Variants in MAF observed in about 807,000 individuals in gnomAD.
MAF encodes the protein transcription factor Maf.
A neutral mutation model predicts 22.0 loss-of-function variants in MAF; 10 were observed. The observed-to-expected ratio is 0.45, with a 90% confidence interval of 0.28 to 0.77. MAF has a LOEUF of 0.77. Among genes scored for constraint, MAF ranks in the 30% least tolerant of loss-of-function variants. The pLI is 0.12. For synonymous variants in MAF, 337 were observed against 255.8 expected (o/e 1.32, Z -3.03); for missense variants, 544 against 548.4 (o/e 0.99, Z 0.08).
the MAF span, among the ~76,000 whole-genome samples, chr16:79,217,952 G>A: frequency 8.6e-6 from 1 of 115,866 alleles, no homozygotes; most frequent in African/African-American, 3.4e-5. Flanking sequence ...TGCCCATTCT[G>A]TTCACCAGCA....
At chr16:79,297,669 T>G in the MAF span, among the ~76,000 whole-genome samples, 3 of 152,226 alleles carry the variant, frequency 2.0e-5, no homozygotes, top group Non-Finnish European at 2.9e-5. Flanking sequence ...GAGCACTCAG[T>G]AAACACTACC....
the MAF span, among the ~76,000 whole-genome samples, chr16:79,533,504 C>T: frequency 7.2e-5 from 11 of 152,124 alleles, no homozygotes; most frequent in African/African-American, 9.7e-5. Flanking sequence ...ATTTTACTTT[C>T]GTCCTCTGGT....
chr16:79,213,257 T>A, the MAF span, among the ~76,000 whole-genome samples: 2 of 152,132 alleles, frequency 1.3e-5, no homozygotes, highest in Non-Finnish European at 2.9e-5. Flanking sequence ...AGACAATGTC[T>A]TGAACTTCTG....
chr16:79,461,662 G>A, the MAF span, among the ~76,000 whole-genome samples: 1 of 152,266 alleles, frequency 6.6e-6, no homozygotes, highest in South Asian at 2.1e-4. Context: ...AGCAGTCTCT[G>A]CCATACGTAC....
chr16:79,301,626 T>TCTG, the MAF span, among the ~76,000 whole-genome samples: 3 of 21,308 alleles, frequency 1.4e-4, no homozygotes, highest in Admixed American at 1.6e-3. Flanking sequence ...TGCATTTTAT[T>TCTG]ATATCTATGT....
chr16:79,311,918 T>C, the MAF span, among the ~76,000 whole-genome samples: 17 of 152,110 alleles, frequency 1.1e-4, no homozygotes, highest in East Asian at 3.9e-4. Context: ...AGTGCTCAAC[T>C]AGCCCATGGT....
At chr16:79,523,640 G>C in the MAF span, among the ~76,000 whole-genome samples, 1 of 152,184 alleles carries the variant, frequency 6.6e-6, no homozygotes, top group East Asian at 1.9e-4. Flanking sequence ...GAGATAAGCT[G>C]ATTCTGGAGA....
downstream of MAF, among the ~76,000 whole-genome samples, chr16:79,593,272 T>A (rs1170899193): frequency 6.6e-6 from 1 of 152,152 alleles, no homozygotes. Context: ...CAATGTACTG[T>A]GCTTGGGAAC....
chr16:79,525,676 A>T, the MAF span, among the ~76,000 whole-genome samples: 6 of 152,264 alleles, frequency 3.9e-5, no homozygotes, highest in African/African-American at 1.4e-4. Context: ...TTAAACAAAA[A>T]CACACCTGGT....
At chr16:79,310,678 C>T in the MAF span, among the ~76,000 whole-genome samples, 1 of 152,122 alleles carries the variant, frequency 6.6e-6, no homozygotes, top group African/African-American at 2.4e-5. Context: ...GTTGGGGGCT[C>T]GCCTTGGTGA....
the MAF span, among the ~76,000 whole-genome samples, chr16:79,502,694 TAAATATAA>T: frequency 4.7e-3 from 86 of 18,208 alleles, 6 homozygotes; most frequent in African/African-American, 0.013. Context: ...AATATAAATA[TAAATATAA>T]ATATAAATAT....
the MAF span, among the ~76,000 whole-genome samples, chr16:79,283,092 T>C: frequency 1.3e-5 from 2 of 152,220 alleles, no homozygotes; most frequent in African/African-American, 4.8e-5. Context: ...TTCTGATTCA[T>C]CTTTGTATCT....
the MAF span, among the ~76,000 whole-genome samples, chr16:79,447,002 T>C: frequency 1.4e-3 from 210 of 152,164 alleles, 1 homozygote; most frequent in African/African-American, 4.9e-3. Context: ...TTTGGTAATA[T>C]AGATAAATGT....
At chr16:79,390,996 C>G in the MAF span, among the ~76,000 whole-genome samples, 4 of 152,276 alleles carry the variant, frequency 2.6e-5, no homozygotes, top group Non-Finnish European at 5.9e-5. Flanking sequence ...AGTGCATTGT[C>G]TCGATGATGG....
At chr16:79,512,254 C>A in the MAF span, among the ~76,000 whole-genome samples, 2 of 152,204 alleles carry the variant, frequency 1.3e-5, no homozygotes, top group Non-Finnish European at 2.9e-5. Flanking sequence ...CTCCCAGACT[C>A]TTTATTTTAA....
chr16:79,574,442 G>A, the MAF span, among the ~76,000 whole-genome samples: 2 of 152,244 alleles, frequency 1.3e-5, no homozygotes, highest in African/African-American at 4.8e-5. Flanking sequence ...TTTCTCTGCA[G>A]AATGTTTTTA....
chr16:79,212,110 C>A, the MAF span: 1 of 1,535,794 alleles, frequency 6.5e-7, no homozygotes, highest in African/African-American at 1.4e-5. Flanking sequence ...AATTCTCTTT[C>A]TTTTACTGTT....
At chr16:79,214,449 G>A in the MAF span, among the ~76,000 whole-genome samples, 18 of 152,150 alleles carry the variant, frequency 1.2e-4, no homozygotes, top group Middle Eastern at 3.4e-3. Flanking sequence ...ACTGTCGCCC[G>A]GGCTGCAGTG....
the MAF span, among the ~76,000 whole-genome samples, chr16:79,335,369 G>A: frequency 6.6e-6 from 1 of 152,102 alleles, no homozygotes; most frequent in African/African-American, 2.4e-5. Context: ...AGCCTGCAGA[G>A]AGCTTGTTAA....
Sources: allele counts gnomAD v4.1 joint callset (sites outside exome capture counted in the v4.1 genomes callset), GRCh38; gene constraint gnomAD v4.1.1; transcripts MANE v1.5; gene names NCBI Gene and HGNC (gene_info 2026-07-23, HGNC 2026-07-21).